The following SND1 variants were observed in gnomAD, a reference collection of about 807,000 sequenced individuals.
SND1 encodes the protein staphylococcal nuclease domain-containing protein 1.
In SND1, 38 loss-of-function variants were observed where a neutral mutation model predicts 121.7. The observed-to-expected ratio is 0.31, with a 90% CI of 0.24 to 0.41. SND1 has a LOEUF of 0.41. Among genes scored for constraint, SND1 ranks in the 10% least tolerant of loss-of-function variants. SND1 has a pLI of 1.00. For synonymous variants in SND1, 401 were observed against 447.4 expected, an observed-to-expected ratio of 0.90 and a Z score of 1.31; for missense variants, 868 against 1,184.6, an observed-to-expected ratio of 0.73 and a Z score of 3.92.
intron 14 of SND1, among the ~76,000 whole-genome samples, chr7:127,911,433 C>T (rs137904081): frequency 0.016 from 2,485 of 152,268 alleles, 31 homozygotes; most frequent in Non-Finnish European, 0.024. Flanking sequence ...TGGTCTCAAA[C>T]TCCTGGGCTC....
chr7:127,724,522 G>T (rs533942762), intron 10 of SND1, among the ~76,000 whole-genome samples: 12 of 152,156 alleles, frequency 7.9e-5, no homozygotes, highest in Non-Finnish European at 1.5e-4. Flanking sequence ...AGAAAATGGG[G>T]CATATGATGA....
rs563605095 is a variant in SND1, at chr7:127,775,956, C to CT, written c.1153-31528_1153-31527insT. Among the ~76,000 whole-genome samples, 26 of 152,284 alleles carry CT rather than the reference C, an allele frequency of 1.7e-4. No individual in the cohort carries two copies. The South Asian group carries it at 2.9e-3, about 17-fold the overall frequency. ...ATTTATAAATTAACAAAGGAATCAACCTTCAGCAAGACTCTACCCAGATCT... is the reference window on the plus strand; with the variant it reads ...ATTTATAAATTAACAAAGGAATCAACTCTTCAGCAAGACTCTACCCAGATCT... On this transcript the variant is annotated intron_variant, in intron 10 of 23. Coordinates refer to ENST00000354725, the MANE Select transcript of SND1 (RefSeq NM_014390.4).
intron 11 of SND1, among the ~76,000 whole-genome samples, chr7:127,816,662 C>CTTTTT (rs919893026): frequency 5.9e-5 from 8 of 135,242 alleles, no homozygotes; most frequent in Admixed American, 4.5e-4. Context: ...TTCTCAAACT[C>CTTTTT]TTTTTTTTTT....
chr7:127,658,655 G>A (rs866309675), intron 1 of SND1, among the ~76,000 whole-genome samples: 1 of 152,210 alleles, frequency 6.6e-6, no homozygotes, highest in South Asian at 2.1e-4. Context: ...ATGCTTCAGG[G>A]GATCAAAACT....
Position 127,658,962 on chromosome 7 carries a change from G to A in SND1, c.78+6511G>A, listed in dbSNP as rs567024943. ...ATCTGACAGGTGTGGTTCTAACAGG[G>A]GCATAGTAGATATCCTTTAGAGTCT... On this transcript the variant is annotated intron_variant, in intron 1 of 23. Coordinates refer to ENST00000354725, the MANE Select transcript of SND1 (RefSeq NM_014390.4). Among the ~76,000 whole-genome samples the A allele has an allele frequency of 4.6e-5, 7 of 152,294 alleles. No individual in the cohort carries two copies. In the East Asian group the frequency reaches 1.3e-3, roughly 29 times the overall value.
intron 17 of SND1, among the ~76,000 whole-genome samples, chr7:128,079,645 C>A (rs970428438): frequency 6.6e-6 from 1 of 152,254 alleles, no homozygotes; most frequent in African/African-American, 2.4e-5. Context: ...GAAGAACACA[C>A]GCTCAGGCCG....
At chr7:127,911,694 G>A (rs1800458752) in intron 14 of SND1, among the ~76,000 whole-genome samples, 3 of 152,080 alleles carry the variant, frequency 2.0e-5, no homozygotes, top group African/African-American at 7.2e-5. Context: ...TAGAGACGGG[G>A]TTTCACCATG....
At chr7:127,737,670 A>T (rs1172847286) in intron 10 of SND1, among the ~76,000 whole-genome samples, 1 of 152,170 alleles carries the variant, frequency 6.6e-6, no homozygotes, top group African/African-American at 2.4e-5. Context: ...TTGGGACCAG[A>T]AGTGATTCGG....
At chr7:127,686,223 C>T (rs1229327072) in intron 1 of SND1, among the ~76,000 whole-genome samples, 5 of 152,130 alleles carry the variant, frequency 3.3e-5, no homozygotes, top group Non-Finnish European at 5.9e-5. Flanking sequence ...TTTCATTGTT[C>T]GCTTCAATCT....
chr7:128,036,822 G>A (rs1792759566), intron 16 of SND1, among the ~76,000 whole-genome samples: 1 of 152,244 alleles, frequency 6.6e-6, no homozygotes, highest in South Asian at 2.1e-4. Flanking sequence ...CAGGAGCCCT[G>A]AAAATGCACT....
chr7:127,758,881 G>A (rs772306947), intron 10 of SND1, among the ~76,000 whole-genome samples: 22 of 151,908 alleles, frequency 1.4e-4, no homozygotes, highest in South Asian at 6.2e-4. Context: ...TAGGGAAACC[G>A]TATCTCTACA....
chr7:127,945,156 TG>T (rs1476467826), intron 15 of SND1, among the ~76,000 whole-genome samples: 6 of 152,308 alleles, frequency 3.9e-5, no homozygotes, highest in African/African-American at 1.4e-4. Context: ...CTTGGATAAA[TG>T]AATGAGCACT....
At chr7:127,875,353 C>T (rs1026660143) in intron 12 of SND1, among the ~76,000 whole-genome samples, 1 of 152,098 alleles carries the variant, frequency 6.6e-6, no homozygotes, top group African/African-American at 2.4e-5. Flanking sequence ...AGATAATATA[C>T]AGCAATAAAA....
chr7:128,032,515 G>A (rs1351717019), intron 16 of SND1, among the ~76,000 whole-genome samples: 1 of 151,306 alleles, frequency 6.6e-6, no homozygotes, highest in African/African-American at 2.4e-5. Context: ...GGGCTGCGGC[G>A]GGAGAGCCCG....
At position 127,652,351 on chromosome 7, in the gene SND1, T is replaced by G. The variant is rs748517766; in HGVS notation, c.-23T>G. 1 of 1,566,318 alleles carries G rather than the reference T, an allele frequency of 6.4e-7. No homozygotes were observed. Among genetic ancestry groups the G allele is most frequent in the South Asian group, 1.2e-5 (1 of 85,210 alleles). On this transcript the variant is annotated 5_prime_UTR_variant, in exon 1 of 24. Coordinates refer to ENST00000354725, the MANE Select transcript of SND1 (RefSeq NM_014390.4). ...CCTCCAGTCCGGCCAGCCGCTCCAC[T>G]CGTTGCCTTTGCATCTCCACACATG...
Position 127,930,852 on chromosome 7 carries a change from A to AT in SND1, c.1669+1531dup, listed in dbSNP as rs549472233. ...CTTTTTATTGTGCTTCAGATATTGC[A>AT]TTTTTTTTATAGATAGGAGGATTGT... On this transcript the variant is annotated intron_variant, in intron 15 of 23. Coordinates refer to ENST00000354725, the MANE Select transcript of SND1 (RefSeq NM_014390.4). Among the ~76,000 whole-genome samples, 85 of 152,028 alleles carry AT rather than the reference A, an allele frequency of 5.6e-4. 1 individual carries two copies. Among genetic ancestry groups the AT allele is most frequent in the South Asian group, 2.9e-3 (14 of 4,804 alleles).
At chr7:127,672,284 A>G (rs1374713906) in intron 1 of SND1, among the ~76,000 whole-genome samples, 2 of 152,186 alleles carry the variant, frequency 1.3e-5, no homozygotes, top group African/African-American at 4.8e-5. Context: ...CTATAGGAAC[A>G]CAATAAAACC....
chr7:127,880,098 C>T (rs1235440220), intron 12 of SND1, among the ~76,000 whole-genome samples: 1 of 152,170 alleles, frequency 6.6e-6, no homozygotes, highest in Non-Finnish European at 1.5e-5. Flanking sequence ...GAGCCCCATT[C>T]GGTGAAGAGA....
intron 12 of SND1, among the ~76,000 whole-genome samples, chr7:127,860,034 C>T (rs1390488896): frequency 6.6e-6 from 1 of 152,090 alleles, no homozygotes; most frequent in Non-Finnish European, 1.5e-5. Flanking sequence ...GATGGCAGAG[C>T]GGTGGAGGGG....
Sources: gnomAD v4.1 joint callset for allele counts (sites outside exome capture counted in the v4.1 genomes callset) on GRCh38, gnomAD v4.1.1 for gene constraint, MANE v1.5 for transcripts, NCBI Gene and HGNC (gene_info 2026-07-23, HGNC 2026-07-21) for gene names.